Variants in FAT1 observed in about 807,000 individuals in gnomAD.
FAT1 encodes FAT atypical cadherin 1.
FAT1 carries 171 observed loss-of-function variants against 329.8 expected under a neutral mutation model. That is an observed-to-expected ratio of 0.52 (90% CI 0.46 to 0.59). The LOEUF (loss-of-function observed/expected upper bound fraction) is 0.59. Among genes scored for constraint, FAT1 ranks in the 20% least tolerant of loss-of-function variants. The pLI is 0.00. For synonymous variants in FAT1, 2,233 were observed against 2,228.6 expected (o/e 1.00, Z -0.06); for missense variants, 5,672 against 5,774.4 (o/e 0.98, Z 0.57).
At chr4:186,635,981 C>T (rs369208521) in intron 6 of FAT1, 44 bp downstream of exon 6, 1 of 1,544,428 alleles carries the variant, frequency 6.5e-7, no homozygotes, top group Non-Finnish European at 8.9e-7. Context: ...AGGTTCTCCT[C>T]AGTGTAACCC....
In FAT1 at chr4:186,588,339, G is replaced by T; in HGVS notation, c.*253C>A. On this transcript the variant is annotated 3_prime_UTR_variant, in exon 27 of 27. Transcript: ENST00000441802. ...GCTGACAACACAGGACTGATTTTTC[G>T]TTTGATTATTTTAACACAGACAGAT... The T allele has an allele frequency of 6.6e-6, 3 of 456,758 alleles. No homozygotes were observed. Among genetic ancestry groups the T allele is most frequent in the African/African-American group, 3.9e-5 (2 of 51,946 alleles). The allele number at this position is 456,758 out of a possible 1,614,324, so 28.3% of individuals were successfully genotyped here. A position where few individuals can be genotyped will look rare whatever the true frequency, so the allele number is the denominator to read the frequency against.
chr4:186,627,966 T>C (rs568177889), intron 9 of FAT1, among the ~76,000 whole-genome samples, 188 bp downstream of exon 9: 11 of 150,856 alleles, frequency 7.3e-5, no homozygotes, highest in African/African-American at 2.2e-4. Context: ...CCAAACTCTC[T>C]GATGGGCTAA....
Position 186,588,568 on chromosome 4 carries a change from A to G in FAT1, c.*24T>C, listed in dbSNP as rs2126345982. Reference sequence around the variant, plus strand: ...CATCACCTCTAGGTTCACTAAAGTCAGGCACTTTGGGGGGAGTTGAGAGTC... The same window carrying G: ...CATCACCTCTAGGTTCACTAAAGTCGGGCACTTTGGGGGGAGTTGAGAGTC... On this transcript the variant is annotated 3_prime_UTR_variant, in exon 27 of 27. Coordinates refer to ENST00000441802, the MANE Select transcript of FAT1 (RefSeq NM_005245.4). 1 of 1,593,162 alleles carries G rather than the reference A, an allele frequency of 6.3e-7. No homozygotes were observed. Among genetic ancestry groups the G allele is most frequent in the Non-Finnish European group, 8.5e-7 (1 of 1,170,300 alleles).
Position 186,591,368 on chromosome 4 carries a change from A to G in FAT1, c.13139-2148T>C, listed in dbSNP as rs533881097. On this transcript the variant is annotated intron_variant, in intron 26 of 26. Transcript: ENST00000441802. ...TTCTAGAAATTTCAGTAATTTTAAAAGACTGTGGTGTCTCTAAAACATGAA... is the reference window on the plus strand; with the variant it reads ...TTCTAGAAATTTCAGTAATTTTAAAGGACTGTGGTGTCTCTAAAACATGAA... 2.0e-5 allele frequency among the ~76,000 whole-genome samples: 3 copies of G among 152,374 alleles called. No individual in the cohort carries two copies. The South Asian group carries it at 6.2e-4, about 32-fold the overall frequency.
At chr4:186,650,936 C>T (rs1175698237) in intron 3 of FAT1, among the ~76,000 whole-genome samples, 3 of 151,946 alleles carry the variant, frequency 2.0e-5, no homozygotes, top group African/African-American at 7.3e-5. Context: ...GAGAGGGCAA[C>T]ACCACTGGTC....
At chr4:186,609,016 C>T (rs1739268742) in intron 16 of FAT1, among the ~76,000 whole-genome samples, 167 bp downstream of exon 16, 2 of 152,210 alleles carry the variant, frequency 1.3e-5, no homozygotes, top group Non-Finnish European at 2.9e-5. Flanking sequence ...ACATTTCTCA[C>T]ATTGAGATCT....
At chr4:186,667,322 C>T (rs565204661) in intron 2 of FAT1, among the ~76,000 whole-genome samples, 2 of 152,226 alleles carry the variant, frequency 1.3e-5, no homozygotes, top group East Asian at 1.9e-4. Flanking sequence ...AGGGGATTGT[C>T]GGCCTCCCCG....
At chr4:186,662,681 T>C (rs1016116385) in intron 3 of FAT1, among the ~76,000 whole-genome samples, 1 of 152,206 alleles carries the variant, frequency 6.6e-6, no homozygotes, top group African/African-American at 2.4e-5. Flanking sequence ...TTAGCAGCAG[T>C]AGAATTTGCT....
intron 2 of FAT1, among the ~76,000 whole-genome samples, chr4:186,699,694 G>GA (rs35718096): frequency 1.1e-3 from 138 of 123,226 alleles, no homozygotes; most frequent in Admixed American, 1.7e-3. Flanking sequence ...TCTGCTGTTT[G>GA]AAAAAAAAAA....
intron 2 of FAT1, among the ~76,000 whole-genome samples, chr4:186,664,125 C>T (rs1056095713): frequency 2.6e-4 from 39 of 152,234 alleles, no homozygotes; most frequent in African/African-American, 8.4e-4. Flanking sequence ...ATCCCTGTGG[C>T]GGCCACTGTC....
At chr4:186,638,394 T>C (rs1471793121) in intron 4 of FAT1, among the ~76,000 whole-genome samples, 1 of 152,204 alleles carries the variant, frequency 6.6e-6, no homozygotes, top group African/African-American at 2.4e-5. Context: ...TATCTTCCCA[T>C]CTGTTTATCT....
At chr4:186,694,545 A>G (rs2126665216) in intron 2 of FAT1, among the ~76,000 whole-genome samples, 1 of 152,352 alleles carries the variant, frequency 6.6e-6, no homozygotes, top group Admixed American at 6.5e-5. Context: ...TTACATACAT[A>G]TTATTTTTCT....
intron 1 of FAT1, among the ~76,000 whole-genome samples, chr4:186,712,825 C>T (rs959092729): frequency 7.3e-6 from 1 of 136,616 alleles, no homozygotes; most frequent in African/African-American, 2.9e-5. Context: ...ACCTCTATCT[C>T]GAGACATTGC....
At chr4:186,670,237 C>T (rs1326489816) in intron 2 of FAT1, among the ~76,000 whole-genome samples, 1 of 152,170 alleles carries the variant, frequency 6.6e-6, no homozygotes, top group Non-Finnish European at 1.5e-5. Flanking sequence ...TTTGCAAACG[C>T]TACCCTCCTT....
In FAT1 at chr4:186,708,165, C is replaced by G. The variant is rs1356988668; in HGVS notation, c.1663G>C (p.Ala555Pro). The G allele has an allele frequency of 1.2e-6, 2 of 1,613,990 alleles. No individual in the cohort carries two copies. The highest frequency in any genetic ancestry group is 1.7e-6 in the Non-Finnish European group (2 of 1,179,888). ...LPYRREVEVLATITLNNLNDN... is the reference protein window; with the variant it reads ...LPYRREVEVLPTITLNNLNDN... ...TTCAAGTTATTGAGAGTAATTGTAG[C>G]AAGGACTTCGACTTCCCGGCGGTAC... Residue 555 changes from alanine (A) to proline (P), a missense_variant, in exon 2 of 27, where the codon GCT (alanine) becomes CCT (proline). Physicochemically the swap from Ala to Pro is conservative, Grantham distance 27. Around this residue, in one of 2 missense-constraint regions of FAT1, gnomAD observed 3,966 missense variants for 3,915.2 expected, o/e 1.01. Transcript: ENST00000441802.
Position 186,633,783 on chromosome 4 carries a change from A to AGAAC in FAT1, c.4223_4224insGTTC (p.Gly1409PhefsTer11). 1 of 1,614,010 alleles carries AGAAC rather than the reference A, an allele frequency of 6.2e-7. No individual in the cohort carries two copies. Among genetic ancestry groups the AGAAC allele is most frequent in the Non-Finnish European group, 8.5e-7 (1 of 1,179,898 alleles). ...GAGGTTTGGCAACAATGATGGTTCC[A>AGAAC]GTTCCCTTGTCCACATCGAAGTGAC... On this transcript the variant is annotated frameshift_variant, in exon 7 of 27. Transcript: ENST00000441802. LOFTEE classifies it high-confidence loss of function.
Position 186,682,526 on chromosome 4 carries a change from C to CAAAAAAAAAAAAAAAAAAAAAAAAAA in FAT1, c.3266-18914_3266-18913insTTTTTTTTTTTTTTTTTTTTTTTTTT, listed in dbSNP as rs10561120. Among the ~76,000 whole-genome samples, 26 of 119,726 alleles carry CAAAAAAAAAAAAAAAAAAAAAAAAAA rather than the reference C, an allele frequency of 2.2e-4. 1 individual carries two copies. Among genetic ancestry groups the CAAAAAAAAAAAAAAAAAAAAAAAAAA allele is most frequent in the African/African-American group, 9.1e-4 (23 of 25,388 alleles). The allele number at this position is 119,726 out of a possible 152,430, so 78.5% of individuals were successfully genotyped here. A position where few individuals can be genotyped will look rare whatever the true frequency, so the allele number is the denominator to read the frequency against. On this transcript the variant is annotated intron_variant, in intron 2 of 26. Transcript: ENST00000441802. ...TGAGTGAAAGAGCGAGACTCTGTCT[C>CAAAAAAAAAAAAAAAAAAAAAAAAAA]AAAAAAAAAAAAAAAAAAGAAAGTT...
At chr4:186,658,233 GC>G (rs1390848276) in intron 3 of FAT1, among the ~76,000 whole-genome samples, 1 of 152,126 alleles carries the variant, frequency 6.6e-6, no homozygotes, top group Non-Finnish European at 1.5e-5. Context: ...AAAACCCACT[GC>G]CCCCCTACTT....
At chr4:186,666,437 G>C (rs1313864016) in intron 2 of FAT1, among the ~76,000 whole-genome samples, 1 of 152,030 alleles carries the variant, frequency 6.6e-6, no homozygotes, top group Non-Finnish European at 1.5e-5. Flanking sequence ...AAGACGTCAG[G>C]GGATAACAGA....
Sources: gnomAD v4.1 joint callset for allele counts (sites outside exome capture counted in the v4.1 genomes callset) on GRCh38, gnomAD v4.1.1 for gene constraint, gnomAD v4.1.1 regional missense constraint, MANE v1.5 for transcripts, NCBI Gene and HGNC (gene_info 2026-07-23, HGNC 2026-07-21) for gene names.